C7: variants seen among roughly 807,000 people sequenced by gnomAD.
C7 encodes complement C7.
C7 carries 83 observed loss-of-function variants against 104.8 expected under a neutral mutation model. That is an observed-to-expected ratio of 0.79 (90% CI 0.66 to 0.95). C7 has a LOEUF of 0.95. Ranked by LOEUF, C7 falls within the 40% of genes least tolerant of loss-of-function variation. The pLI is 0.00. For synonymous variants in C7, 415 were observed against 360.6 expected (o/e 1.15, Z -1.71); for missense variants, 1,070 against 1,011.2 (o/e 1.06, Z -0.79).
At chr5:40,969,519 T>C (rs77387969) in intron 14 of C7, among the ~76,000 whole-genome samples, 13,401 of 152,240 alleles carry the variant, frequency 0.088, 834 homozygotes, top group East Asian at 0.19. Flanking sequence ...GCTATCTTCC[T>C]CTAGAGAAGA....
intron 9 of C7, among the ~76,000 whole-genome samples, chr5:40,953,861 G>GTACCATAACATC (rs1170466990): frequency 2.3e-5 from 3 of 131,244 alleles, no homozygotes; most frequent in Non-Finnish European, 5.1e-5. Flanking sequence ...CCATAAACAT[G>GTACCATAACATC]TACCATTATT....
chr5:40,959,665 C>T (rs773552557), intron 12 of C7, 45 bp downstream of exon 12: 18 of 1,403,860 alleles, frequency 1.3e-5, no homozygotes, highest in Non-Finnish European at 1.5e-5. Flanking sequence ...AACACAGTAC[C>T]CTCTGCAGTT....
intron 5 of C7, 146 bp from the exon 6 acceptor site, chr5:40,937,406 A>G (rs531481608): frequency 1.4e-6 from 1 of 698,986 alleles, no homozygotes; most frequent in Non-Finnish European, 2.3e-6. Flanking sequence ...TGTGCTCTTC[A>G]TTTGAACTCT....
At chr5:40,927,124 G>A (rs28860325) in intron 1 of C7, among the ~76,000 whole-genome samples, 34,491 of 151,958 alleles carry the variant, frequency 0.23, 4,107 homozygotes, top group East Asian at 0.32. Flanking sequence ...ATTTTTGCAA[G>A]GTTGCCAAGA....
chr5:40,937,797 G>T, intron 6 of C7, 107 bp downstream of exon 6: 1 of 916,748 alleles, frequency 1.1e-6, no homozygotes, highest in Non-Finnish European at 1.6e-6. Context: ...CCTAATGTGT[G>T]GTCAATTTTT....
At position 40,930,820 on chromosome 5, in the gene C7, C is replaced by A. The variant is rs1349287229; in HGVS notation, c.63-244C>A. On this transcript the variant is annotated intron_variant, in intron 2 of 17. Coordinates refer to ENST00000313164, the MANE Select transcript of C7 (RefSeq NM_000587.4). The stretch of plus-strand genomic sequence containing the variant: ...ACCTCAGGTGATCTGCCCGCCTCAG[C>A]CTCCCAAAGTGCTAGGATTACAGGT... 2.0e-5 allele frequency among the ~76,000 whole-genome samples: 3 copies of A among 151,920 alleles called. No homozygotes were observed. The East Asian group carries it at 5.8e-4, about 29-fold the overall frequency.
At chr5:40,932,712 C>A (rs1326662708) in intron 3 of C7, among the ~76,000 whole-genome samples, 1 of 152,006 alleles carries the variant, frequency 6.6e-6, no homozygotes, top group South Asian at 2.1e-4. Flanking sequence ...ACATCAAACA[C>A]GTTAAATATT....
chr5:40,963,397 G>A (rs1740462807), intron 13 of C7, among the ~76,000 whole-genome samples: 1 of 152,138 alleles, frequency 6.6e-6, no homozygotes, highest in African/African-American at 2.4e-5. Context: ...TTTTTGTTTT[G>A]TTTTGTTTTT....
chr5:40,928,421 A>G (rs1739604425), intron 1 of C7, among the ~76,000 whole-genome samples, 159 bp from the exon 2 acceptor site: 1 of 152,210 alleles, frequency 6.6e-6, no homozygotes. Context: ...ATTTTAGGTG[A>G]TAGATATGTT....
chr5:40,973,143 GTATTT>G (rs1252360913), intron 15 of C7, among the ~76,000 whole-genome samples: 3 of 152,158 alleles, frequency 2.0e-5, no homozygotes, highest in Admixed American at 1.3e-4. Flanking sequence ...CAAAAATCCA[GTATTT>G]TAACACCAAG....
At position 40,955,597 on chromosome 5, in the gene C7, A is replaced by T. The variant is rs572620072; in HGVS notation, c.1260+44A>T. 2.3e-5 allele frequency: 36 copies of T among 1,567,008 alleles called. No individual in the cohort carries two copies. In the Admixed American group the frequency reaches 4.3e-4, roughly 19 times the overall value. ...AAAGCAATAGGAAGCAGTCATGTTTATTTGCATGAGGAAAACGAAGGTGGT... is the reference window on the plus strand; with the variant it reads ...AAAGCAATAGGAAGCAGTCATGTTTTTTTGCATGAGGAAAACGAAGGTGGT... On this transcript the variant is annotated intron_variant, in intron 10 of 17. Coordinates refer to ENST00000313164, the MANE Select transcript of C7 (RefSeq NM_000587.4).
chr5:40,947,145 G>C (rs996283092), intron 7 of C7, among the ~76,000 whole-genome samples: 7 of 148,656 alleles, frequency 4.7e-5, no homozygotes, highest in African/African-American at 1.5e-4. Context: ...TGTTACCCAG[G>C]CTGGAGTGCA....
intron 9 of C7, among the ~76,000 whole-genome samples, chr5:40,954,298 CA>C (rs1176683763): frequency 2.0e-5 from 3 of 151,960 alleles, no homozygotes; most frequent in Admixed American, 2.0e-4. Flanking sequence ...TTCCTATATA[CA>C]ATTAGTATTT....
intron 9 of C7, among the ~76,000 whole-genome samples, chr5:40,954,708 ACC>A (rs1274326030): frequency 1.3e-5 from 2 of 151,538 alleles, no homozygotes; most frequent in Non-Finnish European, 2.9e-5. Context: ...ACATGGTGAA[ACC>A]CCATCTCTAC....
chr5:40,938,501 T>C (rs980354069), intron 6 of C7, among the ~76,000 whole-genome samples: 1 of 152,166 alleles, frequency 6.6e-6, no homozygotes, highest in African/African-American at 2.4e-5. Context: ...CTGAGTCCCA[T>C]ACAAATGAAC....
intron 1 of C7, among the ~76,000 whole-genome samples, chr5:40,918,793 A>G (rs1448428030): frequency 2.0e-5 from 3 of 152,270 alleles, no homozygotes; most frequent in African/African-American, 7.2e-5. Flanking sequence ...ACCTAAATAT[A>G]TAAAATAAAT....
intron 2 of C7, 94 bp downstream of exon 2, chr5:40,928,729 G>C: frequency 1.5e-6 from 1 of 676,346 alleles, no homozygotes; most frequent in Admixed American, 2.8e-5. Flanking sequence ...CTTTGAATCT[G>C]TGTATCCCTC....
chr5:40,955,424 C>G lies in C7; in HGVS notation c.1131C>G (p.Ile377Met), dbSNP rs895178950. 44 of 1,611,586 alleles carry G rather than the reference C, an allele frequency of 2.7e-5. No homozygotes were observed. The highest frequency in any genetic ancestry group is 3.5e-5 in the Non-Finnish European group (41 of 1,178,978). The change falls in exon 10 of 18, where the codon ATC becomes ATG. Residue 377 changes from isoleucine to methionine, a missense_variant. Ile to Met is a conservative substitution (Grantham distance 10). Transcript: ENST00000313164. ...QNNVLRGEPF[I>M]RGGGAGFISG... ...ATGTATTGCGAGGAGAACCGTTCAT[C>G]AGAGGGGGAGGTGCAGGCTTCATAT...
chr5:40,945,204 A>C lies in C7; in HGVS notation c.574A>C (p.Ile192Leu). 1 of 1,472,936 alleles carries C rather than the reference A, an allele frequency of 6.8e-7. No individual in the cohort carries two copies. Among genetic ancestry groups the C allele is most frequent in the Non-Finnish European group, 9.1e-7 (1 of 1,094,386 alleles). 91.2% of individuals were successfully genotyped at this position (1,472,936 alleles called of 1,614,324 possible). The change falls in exon 7 of 18, where the codon ATA (isoleucine) becomes CTA (leucine). Residue 192 changes from isoleucine to leucine, a missense_variant. By Grantham distance (5) the Ile-to-Leu change is conservative. Transcript: ENST00000313164. ...NVLSYTFQVKINNDFNYEFYN... is the reference protein window; with the variant it reads ...NVLSYTFQVKLNNDFNYEFYN... ...TTTTTCATTTTCTTTGTAGGTGAAA[A>C]TAAATAATGATTTTAATTATGAATT...
Sources: gnomAD v4.1 joint callset for allele counts (sites outside exome capture counted in the v4.1 genomes callset) on GRCh38, gnomAD v4.1.1 for gene constraint, MANE v1.5 for transcripts, NCBI Gene and HGNC (gene_info 2026-07-23, HGNC 2026-07-21) for gene names.